The following PCDH7 variants were observed in gnomAD, a reference collection of about 807,000 sequenced individuals.
The protein encoded by PCDH7 is protocadherin 7.
PCDH7 carries 17 observed loss-of-function variants against 58.9 expected under a neutral mutation model. That is an observed-to-expected ratio of 0.29 (90% CI 0.20 to 0.43). The LOEUF (loss-of-function observed/expected upper bound fraction) is 0.43, where lower values mean the gene tolerates loss of function less well. PCDH7 is among the 20% of genes least tolerant of loss of function. The probability of loss-of-function intolerance (pLI) is 1.00; values close to 1 mark genes in which losing one functional copy is unlikely to be tolerated. For missense variants in PCDH7, 1,274 were observed against 1,441.0 expected (o/e 0.88, Z 1.88); for synonymous variants, 664 against 616.4 (o/e 1.08, Z -1.14).
intron 1 of PCDH7, chr4:30,786,870 A>G (rs954759694): frequency 2.2e-6 from 1 of 453,684 alleles, no homozygotes; most frequent in African/African-American, 2.1e-5. Flanking sequence ...TTGTGTAAAA[A>G]GAAATCGATT....
intron 1 of PCDH7, chr4:30,725,412 T>C (rs1211787777): frequency 1.2e-5 from 4 of 329,862 alleles, no homozygotes; most frequent in South Asian, 2.4e-4. Context: ...TTATGATATA[T>C]TGAGAATGTA....
At chr4:30,850,263 A>G (rs768978490) in intron 1 of PCDH7, among the ~76,000 whole-genome samples, 2 of 152,126 alleles carry the variant, frequency 1.3e-5, no homozygotes, top group Admixed American at 6.6e-5. Context: ...CTCAGTCTTC[A>G]TGGAATAAAG....
intron 1 of PCDH7, among the ~76,000 whole-genome samples, chr4:30,903,570 A>G (rs1215516215): frequency 6.6e-6 from 1 of 152,072 alleles, no homozygotes; most frequent in Non-Finnish European, 1.5e-5. Context: ...TGTTTCACTT[A>G]TAAAGATCTC....
chr4:30,956,004 G>GA (rs1282740360), intron 3 of PCDH7, among the ~76,000 whole-genome samples: 1 of 147,428 alleles, frequency 6.8e-6, no homozygotes, highest in Non-Finnish European at 1.5e-5. Flanking sequence ...CTAACACGGT[G>GA]AAACCCTGTC....
chr4:30,993,108 C>A (rs1242914733), intron 3 of PCDH7, among the ~76,000 whole-genome samples: 1 of 152,084 alleles, frequency 6.6e-6, no homozygotes, highest in Non-Finnish European at 1.5e-5. Context: ...CTGTCCCATT[C>A]GTTTTTGATA....
chr4:30,967,104 A>G (rs941533178), intron 3 of PCDH7, among the ~76,000 whole-genome samples: 1 of 152,140 alleles, frequency 6.6e-6, no homozygotes, highest in African/African-American at 2.4e-5. Context: ...AAAATAATTT[A>G]CCACAAAAAT....
chr4:31,146,554 T>A, downstream of PCDH7: 1 of 152,098 alleles, frequency 6.6e-6, no homozygotes, highest in South Asian at 2.1e-4. Context: ...GATCTGTTTG[T>A]AATGTTAATC....
intron 3 of PCDH7, among the ~76,000 whole-genome samples, chr4:31,115,962 G>A (rs1716936259): frequency 6.6e-6 from 1 of 152,120 alleles, no homozygotes; most frequent in Admixed American, 6.6e-5. Flanking sequence ...AATATTATTT[G>A]CAAAGAATTT....
chr4:30,906,079 TTAAC>T (rs1740882737), intron 1 of PCDH7, among the ~76,000 whole-genome samples: 1 of 152,208 alleles, frequency 6.6e-6, no homozygotes, highest in Non-Finnish European at 1.5e-5. Flanking sequence ...GTTAAGTTAA[TTAAC>T]TAAGATGTTT....
rs142272807 is a variant in PCDH7, at chr4:30,890,424, C to T, written c.71-29729C>T. On this transcript the variant is annotated intron_variant, in intron 1 of 3. Transcript: ENST00000509759. ...TTAGAGTAGTACATCATTTTTAATG[C>T]ACTTTGTTTTATGTGTCTGCTAAAA... 4.1e-5 allele frequency among the ~76,000 whole-genome samples: 5 copies of T among 121,616 alleles called. No individual in the cohort carries two copies. The East Asian group carries it at 9.4e-4, about 23-fold the overall frequency. The allele number at this position is 121,616 out of a possible 152,430, so 79.8% of individuals were successfully genotyped here. A position where few individuals can be genotyped will look rare whatever the true frequency, so the allele number is the denominator to read the frequency against.
chr4:30,829,659 CAT>C (rs1355479543), intron 1 of PCDH7, among the ~76,000 whole-genome samples: 3 of 152,088 alleles, frequency 2.0e-5, no homozygotes, highest in African/African-American at 4.8e-5. Flanking sequence ...AATCTTACCA[CAT>C]GTCATTATTT....
At chr4:30,816,906 A>C (rs1727749504) in intron 1 of PCDH7, among the ~76,000 whole-genome samples, 1 of 152,154 alleles carries the variant, frequency 6.6e-6, no homozygotes, top group Non-Finnish European at 1.5e-5. Context: ...CCAATGTAGA[A>C]GAAAGAACTT....
chr4:31,020,737 C>T (rs1241332687), intron 3 of PCDH7, among the ~76,000 whole-genome samples: 2 of 152,192 alleles, frequency 1.3e-5, no homozygotes, highest in African/African-American at 4.8e-5. Flanking sequence ...CAGTAGGATT[C>T]TCTCTACTTT....
chr4:30,928,116 C>T (rs898405902), intron 2 of PCDH7, among the ~76,000 whole-genome samples: 1 of 152,122 alleles, frequency 6.6e-6, no homozygotes, highest in East Asian at 1.9e-4. Flanking sequence ...ACTGGGATTA[C>T]AGTCATGCAC....
At chr4:31,113,202 T>C (rs1716546251) in intron 3 of PCDH7, among the ~76,000 whole-genome samples, 1 of 152,212 alleles carries the variant, frequency 6.6e-6, no homozygotes. Flanking sequence ...TATTCCAATG[T>C]TTCATTAGCA....
intron 3 of PCDH7, among the ~76,000 whole-genome samples, chr4:31,110,692 G>T (rs1465632330): frequency 6.6e-6 from 1 of 152,008 alleles, no homozygotes; most frequent in Admixed American, 6.6e-5. Context: ...GAGTCGGGTG[G>T]ATCACGAGGT....
At chr4:30,724,194 A>C (rs138731546) in exon 1 of PCDH7, 4 of 1,613,922 alleles carry the variant, frequency 2.5e-6, no homozygotes, top group Non-Finnish European at 2.5e-6. Context: ...ACTTTTTTAC[A>C]CCCCAACAGC....
intron 3 of PCDH7, among the ~76,000 whole-genome samples, chr4:31,122,793 A>G (rs1717848715): frequency 6.6e-6 from 1 of 152,032 alleles, no homozygotes; most frequent in African/African-American, 2.4e-5. Flanking sequence ...ATAAAATAGC[A>G]ATTATATAAA....
intron 1 of PCDH7, among the ~76,000 whole-genome samples, chr4:30,901,123 C>A (rs915872259): frequency 6.6e-6 from 1 of 152,078 alleles, no homozygotes; most frequent in Admixed American, 6.6e-5. Flanking sequence ...AAAAACAACA[C>A]CCAGCCATTT....
Sources: gnomAD v4.1 joint callset for allele counts (sites outside exome capture counted in the v4.1 genomes callset) on GRCh38, gnomAD v4.1.1 for gene constraint, MANE v1.5 for transcripts, NCBI Gene and HGNC (gene_info 2026-07-23, HGNC 2026-07-21) for gene names.